The following PPP2R5A variants were observed in gnomAD, a reference collection of about 807,000 sequenced individuals.
The protein encoded by PPP2R5A is serine/threonine-protein phosphatase 2A 56 kDa regulatory subunit alpha isoform.
A neutral mutation model predicts 64.2 loss-of-function variants in PPP2R5A; 25 were observed. That is an observed-to-expected ratio of 0.39 (90% CI 0.28 to 0.54). PPP2R5A has a LOEUF of 0.54. Among genes scored for constraint, PPP2R5A ranks in the 20% least tolerant of loss-of-function variants. PPP2R5A has a pLI of 0.67. For missense variants in PPP2R5A, 425 were observed against 576.3 expected (o/e 0.74, Z 2.69); for synonymous variants, 198 against 201.2 (o/e 0.98, Z 0.13).
At chr1:212,359,724 C>T (rs1346116249) in intron 12 of PPP2R5A, among the ~76,000 whole-genome samples, 2 of 152,148 alleles carry the variant, frequency 1.3e-5, no homozygotes, top group African/African-American at 4.8e-5. Context: ...GATAGCCTTT[C>T]TTCAAAGCCA....
chr1:212,359,404 T>C (rs1660042072), intron 12 of PPP2R5A, among the ~76,000 whole-genome samples: 1 of 152,222 alleles, frequency 6.6e-6, no homozygotes, highest in Non-Finnish European at 1.5e-5. Flanking sequence ...TGCAATAATA[T>C]GTATTTTAGA....
intron 3 of PPP2R5A, among the ~76,000 whole-genome samples, chr1:212,338,728 A>G (rs1236454400): frequency 2.0e-5 from 3 of 152,004 alleles, no homozygotes; most frequent in Non-Finnish European, 4.4e-5. Context: ...CAGAGGTTGC[A>G]GTGAGCCGAC....
At chr1:212,301,803 G>A in intron 1 of PPP2R5A, 1 of 1,131,382 alleles carries the variant, frequency 8.8e-7, no homozygotes, top group African/African-American at 1.6e-5. Flanking sequence ...TTGCTGGGTT[G>A]CTATGATACA....
At chr1:212,303,715 T>A (rs975765008) in intron 1 of PPP2R5A, among the ~76,000 whole-genome samples, 3 of 152,238 alleles carry the variant, frequency 2.0e-5, no homozygotes, top group African/African-American at 7.2e-5. Flanking sequence ...AATTTTTATA[T>A]AGGGTATGAC....
chr1:212,345,072 G>A (rs1237576673), intron 4 of PPP2R5A, among the ~76,000 whole-genome samples: 6 of 151,650 alleles, frequency 4.0e-5, no homozygotes, highest in South Asian at 2.1e-4. Flanking sequence ...GGCTGAGGCA[G>A]GAGGATCTTC....
chr1:212,349,072 A>G (rs1340726868), intron 7 of PPP2R5A, 117 bp from the exon 8 acceptor site: 4 of 528,010 alleles, frequency 7.6e-6, no homozygotes, highest in Non-Finnish European at 1.2e-5. Flanking sequence ...GTATATTTTT[A>G]TATATTGGAA....
intron 1 of PPP2R5A, among the ~76,000 whole-genome samples, chr1:212,317,369 A>G (rs1177285697): frequency 6.6e-6 from 1 of 152,264 alleles, no homozygotes; most frequent in African/African-American, 2.4e-5. Context: ...GGAACATTTG[A>G]TATTTCAAAA....
chr1:212,290,018 C>T (rs958554794), intron 1 of PPP2R5A, among the ~76,000 whole-genome samples: 11 of 152,288 alleles, frequency 7.2e-5, no homozygotes, highest in Admixed American at 3.3e-4. Context: ...GTGCAGTCAT[C>T]TTAGGAGACA....
intron 1 of PPP2R5A, among the ~76,000 whole-genome samples, chr1:212,316,692 A>G (rs1207253544): frequency 7.4e-6 from 1 of 134,748 alleles, no homozygotes; most frequent in Non-Finnish European, 1.5e-5. Flanking sequence ...GGGATCATGT[A>G]TTTCTCTGTA....
intron 1 of PPP2R5A, among the ~76,000 whole-genome samples, chr1:212,303,804 C>T (rs886120848): frequency 1.3e-5 from 2 of 152,082 alleles, no homozygotes; most frequent in African/African-American, 2.4e-5. Context: ...CTTCTTTCCC[C>T]GTTAGATGGT....
At chr1:212,298,802 G>A (rs1571575410) in intron 1 of PPP2R5A, among the ~76,000 whole-genome samples, 2 of 31,012 alleles carry the variant, frequency 6.4e-5, no homozygotes, top group African/African-American at 3.4e-4. Context: ...GGGCAGAGGG[G>A]TCCTCACTTC....
At chr1:212,288,187 C>T (rs1473387252) in intron 1 of PPP2R5A, among the ~76,000 whole-genome samples, 2 of 152,058 alleles carry the variant, frequency 1.3e-5, no homozygotes, top group Non-Finnish European at 2.9e-5. Flanking sequence ...CGGCTAATTT[C>T]GTATTCTTAG....
intron 1 of PPP2R5A, among the ~76,000 whole-genome samples, chr1:212,297,223 G>A (rs1281148989): frequency 6.8e-6 from 1 of 146,108 alleles, no homozygotes; most frequent in Non-Finnish European, 1.5e-5. Context: ...CTGGGTCCAA[G>A]TGATTCTCCT....
At chr1:212,314,500 A>C (rs1488573382) in intron 1 of PPP2R5A, among the ~76,000 whole-genome samples, 1 of 151,602 alleles carries the variant, frequency 6.6e-6, no homozygotes, top group Non-Finnish European at 1.5e-5. Flanking sequence ...GGCCTCAAGC[A>C]GTCCTCCCAC....
At chr1:212,324,252 C>T (rs1034531304) in intron 1 of PPP2R5A, among the ~76,000 whole-genome samples, 1 of 152,118 alleles carries the variant, frequency 6.6e-6, no homozygotes, top group Non-Finnish European at 1.5e-5. Flanking sequence ...CAAACCTGTA[C>T]AGCATGTTAC....
intron 8 of PPP2R5A, among the ~76,000 whole-genome samples, chr1:212,355,041 G>A (rs1371817172): frequency 6.6e-6 from 1 of 152,176 alleles, no homozygotes; most frequent in African/African-American, 2.4e-5. Context: ...ATCATTAAAT[G>A]ACATATAACT....
chr1:212,352,863 C>A (rs1659911594), intron 8 of PPP2R5A: 1 of 519,016 alleles, frequency 1.9e-6, no homozygotes, highest in Non-Finnish European at 3.8e-6. Context: ...CTGCTGTGGT[C>A]AAAAAGAAGC....
intron 1 of PPP2R5A, chr1:212,302,099 A>G (rs546935551): frequency 4.7e-5 from 71 of 1,510,422 alleles, no homozygotes; most frequent in South Asian, 7.2e-5. Flanking sequence ...ATGAGTATGT[A>G]TATTAAGATT....
intron 5 of PPP2R5A, 148 bp from the exon 6 acceptor site, chr1:212,347,199 T>G (rs1460126221): frequency 3.4e-6 from 2 of 594,726 alleles, no homozygotes; most frequent in Non-Finnish European, 5.9e-6. Flanking sequence ...GAATTAACTG[T>G]TTGGGGCAAA....
Sources: allele counts gnomAD v4.1 joint callset (sites outside exome capture counted in the v4.1 genomes callset), GRCh38; gene constraint gnomAD v4.1.1; transcripts MANE v1.5; gene names NCBI Gene and HGNC (gene_info 2026-07-23, HGNC 2026-07-21).